ZNF322: variants seen among roughly 807,000 people sequenced by gnomAD.
ZNF322 encodes the protein HLA complex group 12.
A neutral mutation model predicts 18.3 loss-of-function variants in ZNF322; 1 was observed. The ratio of observed to expected loss-of-function variants is 0.05; its 90% CI spans 0.02 to 0.26. ZNF322 has a LOEUF of 0.26. ZNF322 is among the 10% of genes least tolerant of loss of function. The pLI is 1.00. For missense variants in ZNF322, 36 were observed against 403.6 expected (o/e 0.09, Z 7.80); for synonymous variants, 17 against 130.7 (o/e 0.13, Z 5.93).
chr6:26,656,033 A>C (rs1765764692), intron 2 of ZNF322, among the ~76,000 whole-genome samples: 1 of 152,252 alleles, frequency 6.6e-6, no homozygotes, highest in Admixed American at 6.5e-5. Flanking sequence ...GTAAAATGTT[A>C]ACATTTAGAG....
At chr6:26,645,995 C>A (rs1765552138) in intron 2 of ZNF322, among the ~76,000 whole-genome samples, 1 of 151,854 alleles carries the variant, frequency 6.6e-6, no homozygotes, top group South Asian at 2.1e-4. Context: ...CAGGCCATTG[C>A]ACTCCAGCCT....
Position 26,638,685 on chromosome 6 carries a change from T to G in ZNF322, c.-132A>C. ...CTTTCAATCATGAGCCTCTACAAGT[T>G]TCCAGCATCATATATGTTAATTCCT... is the stretch of plus-strand genomic sequence containing the variant. On this transcript the variant is annotated 5_prime_UTR_variant, in exon 4 of 4. Transcript: ENST00000415922. 2.2e-6 allele frequency: 2 copies of G among 904,582 alleles called. No homozygotes were observed. The highest frequency in any genetic ancestry group is 3.4e-6 in the Non-Finnish European group (2 of 586,090). The allele number at this position is 904,582 out of a possible 1,614,324, so 56.0% of individuals were successfully genotyped here.
At chr6:26,639,068 A>G (rs1765420617) in intron 3 of ZNF322, among the ~76,000 whole-genome samples, 1 of 152,316 alleles carries the variant, frequency 6.6e-6, no homozygotes, top group Admixed American at 6.5e-5. Context: ...ACAGTGAATG[A>G]GTATCTCTGG....
chr6:26,646,778 TC>T (rs1765566681), intron 2 of ZNF322, among the ~76,000 whole-genome samples: 1 of 152,106 alleles, frequency 6.6e-6, no homozygotes, highest in Non-Finnish European at 1.5e-5. Context: ...AAAGGAAGCA[TC>T]ATTATCGCAA....
chr6:26,649,909 G>C (rs143392045), intron 2 of ZNF322, among the ~76,000 whole-genome samples: 27 of 150,948 alleles, frequency 1.8e-4, no homozygotes, highest in African/African-American at 5.6e-4. Flanking sequence ...CTCCATGTTG[G>C]TCAGGTTGAT....
intron 2 of ZNF322, among the ~76,000 whole-genome samples, chr6:26,652,098 T>C (rs1160300758): frequency 1.3e-5 from 2 of 152,206 alleles, no homozygotes; most frequent in Admixed American, 6.5e-5. Flanking sequence ...CCTCCCATAG[T>C]GCTAGGATTA....
chr6:26,643,137 G>C (rs1216829950), intron 3 of ZNF322, among the ~76,000 whole-genome samples: 1 of 152,192 alleles, frequency 6.6e-6, no homozygotes, highest in Non-Finnish European at 1.5e-5. Flanking sequence ...CTTCCTAGCT[G>C]TTCCTCATCC....
intron 1 of ZNF322, among the ~76,000 whole-genome samples, chr6:26,659,026 TAA>T (rs1432210924): frequency 1.6e-4 from 25 of 152,342 alleles, no homozygotes; most frequent in African/African-American, 5.8e-4. Context: ...GTGCATGTGA[TAA>T]GTGTATATAA....
chr6:26,657,579 G>A (rs1765804282), intron 2 of ZNF322, among the ~76,000 whole-genome samples: 1 of 151,844 alleles, frequency 6.6e-6, no homozygotes, highest in Admixed American at 6.6e-5. Context: ...TCAACTTTAT[G>A]GTATACATTT....
chr6:26,639,849 C>G (rs1161965295), intron 3 of ZNF322, among the ~76,000 whole-genome samples: 1 of 152,030 alleles, frequency 6.6e-6, no homozygotes, highest in Non-Finnish European at 1.5e-5. Flanking sequence ...ACACAAAAAC[C>G]AAAATCCTTT....
intron 2 of ZNF322, among the ~76,000 whole-genome samples, chr6:26,645,488 T>C (rs541224204): frequency 4.6e-5 from 7 of 152,122 alleles, no homozygotes; most frequent in Admixed American, 1.3e-4. Flanking sequence ...AAAAAAGCCA[T>C]TTAGGGTTCA....
intron 2 of ZNF322, among the ~76,000 whole-genome samples, chr6:26,652,351 A>G (rs1028956964): frequency 1.3e-5 from 2 of 152,164 alleles, no homozygotes; most frequent in Non-Finnish European, 2.9e-5. Flanking sequence ...AAAAATATAC[A>G]TATACCCTTA....
At chr6:26,654,398 T>C (rs919390602) in intron 2 of ZNF322, among the ~76,000 whole-genome samples, 6 of 152,156 alleles carry the variant, frequency 3.9e-5, no homozygotes, top group Admixed American at 1.3e-4. Flanking sequence ...CCATTCTACA[T>C]TGAAAAGAAT....
intron 3 of ZNF322, among the ~76,000 whole-genome samples, chr6:26,643,220 G>T (rs144746877): frequency 6.6e-6 from 1 of 152,274 alleles, no homozygotes; most frequent in African/African-American, 2.4e-5. Context: ...ATGTGTGTAT[G>T]AATTTCTCTT....
chr6:26,640,782 C>T (rs1193132345), intron 3 of ZNF322, among the ~76,000 whole-genome samples: 3 of 152,104 alleles, frequency 2.0e-5, no homozygotes, highest in African/African-American at 7.2e-5. Flanking sequence ...TCCACAGACT[C>T]CCAGGTAATT....
At chr6:26,643,498 T>C (rs1015510037) in intron 3 of ZNF322, among the ~76,000 whole-genome samples, 161 bp downstream of exon 3, 2 of 152,240 alleles carry the variant, frequency 1.3e-5, no homozygotes, top group African/African-American at 4.8e-5. Flanking sequence ...TGGTGCTTAA[T>C]AAGCATCTGC....
At chr6:26,647,983 A>C (rs1765586897) in intron 2 of ZNF322, among the ~76,000 whole-genome samples, 1 of 151,944 alleles carries the variant, frequency 6.6e-6, no homozygotes, top group Non-Finnish European at 1.5e-5. Flanking sequence ...GGCTCAAGCA[A>C]TTCTCCTGGC....
chr6:26,641,405 T>C (rs1453371715), intron 3 of ZNF322, among the ~76,000 whole-genome samples: 4 of 151,964 alleles, frequency 2.6e-5, no homozygotes, highest in East Asian at 3.9e-4. Flanking sequence ...CTAACAAGAA[T>C]AGGGAAGTCA....
At chr6:26,646,757 T>C (rs1430838407) in intron 2 of ZNF322, among the ~76,000 whole-genome samples, 8 of 152,184 alleles carry the variant, frequency 5.3e-5, no homozygotes, top group Non-Finnish European at 8.8e-5. Flanking sequence ...ATCTGTCATA[T>C]ATTATGTAAT....
Sources: allele counts gnomAD v4.1 joint callset (sites outside exome capture counted in the v4.1 genomes callset), GRCh38; gene constraint gnomAD v4.1.1; transcripts MANE v1.5; gene names NCBI Gene and HGNC (gene_info 2026-07-23, HGNC 2026-07-21).